The following PXDNL variants were observed in gnomAD, a reference collection of about 807,000 sequenced individuals.
PXDNL encodes the protein probable oxidoreductase PXDNL.
A neutral mutation model predicts 150.8 loss-of-function variants in PXDNL; 145 were observed. The observed-to-expected ratio is 0.96, with a 90% CI of 0.84 to 1.10. PXDNL has a LOEUF of 1.10. PXDNL is among the 50% of genes least tolerant of loss of function. PXDNL has a pLI of 0.00. For missense variants in PXDNL, 2,087 were observed against 1,873.9 expected (o/e 1.11, Z -2.10); for synonymous variants, 757 against 725.7 (o/e 1.04, Z -0.69).
At chr8:51,459,847 T>G (rs1335140279) in intron 8 of PXDNL, among the ~76,000 whole-genome samples, 2 of 152,206 alleles carry the variant, frequency 1.3e-5, no homozygotes, top group African/African-American at 4.8e-5. Flanking sequence ...TAACTTCTAT[T>G]AAGGTGTTTC....
At position 51,326,239 on chromosome 8, in the gene PXDNL, T is replaced by C. The variant is rs537896773; in HGVS notation, c.4147-5342A>G. On this transcript the variant is annotated intron_variant, in intron 21 of 22. Transcript: ENST00000356297. ...GCGTCTGTGTGCGGTGGCTCATGCC[T>C]GTAGTCCCAGCACTTTGGGAGGCTG... Among the ~76,000 whole-genome samples the C allele has an allele frequency of 5.9e-5, 9 of 152,342 alleles. No individual in the cohort carries two copies. The South Asian group carries it at 1.2e-3, about 21-fold the overall frequency.
chr8:51,539,195 A>G (rs1440526916), intron 4 of PXDNL, among the ~76,000 whole-genome samples: 1 of 152,086 alleles, frequency 6.6e-6, no homozygotes, highest in Admixed American at 6.5e-5. Context: ...AAATTTTTCC[A>G]TATGCTTTTT....
At chr8:51,493,508 A>G (rs1011971765) in intron 5 of PXDNL, among the ~76,000 whole-genome samples, 2 of 152,212 alleles carry the variant, frequency 1.3e-5, no homozygotes, top group African/African-American at 2.4e-5. Context: ...GTTCGAACCC[A>G]TGGCAAAGAA....
At chr8:51,803,646 G>A (rs2037644830) in intron 1 of PXDNL, among the ~76,000 whole-genome samples, 1 of 152,128 alleles carries the variant, frequency 6.6e-6, no homozygotes, top group East Asian at 1.9e-4. Context: ...CTGCAAGGGG[G>A]GCACATTTCC....
At chr8:51,678,411 T>C (rs1277240019) in intron 1 of PXDNL, among the ~76,000 whole-genome samples, 1 of 152,152 alleles carries the variant, frequency 6.6e-6, no homozygotes, top group Non-Finnish European at 1.5e-5. Flanking sequence ...AAAAATGGAA[T>C]CTGATAATGA....
chr8:51,503,132 C>T (rs1481220618), intron 4 of PXDNL, among the ~76,000 whole-genome samples: 1 of 152,066 alleles, frequency 6.6e-6, no homozygotes, highest in South Asian at 2.1e-4. Flanking sequence ...TCCAGCCATG[C>T]TTCCCTAGAA....
chr8:51,544,216 T>C (rs1812299317), intron 4 of PXDNL, among the ~76,000 whole-genome samples: 1 of 152,210 alleles, frequency 6.6e-6, no homozygotes, highest in South Asian at 2.1e-4. Context: ...CAACTGAGCA[T>C]GAACTTTTCT....
intron 2 of PXDNL, among the ~76,000 whole-genome samples, chr8:51,611,136 G>C (rs1047079799): frequency 2.0e-5 from 3 of 152,094 alleles, no homozygotes; most frequent in Non-Finnish European, 4.4e-5. Context: ...AATTGAGGCA[G>C]ATTGCTTGGC....
chr8:51,794,744 T>C (rs967247949), intron 1 of PXDNL, among the ~76,000 whole-genome samples: 1 of 152,138 alleles, frequency 6.6e-6, no homozygotes, highest in East Asian at 1.9e-4. Context: ...GTGAAGCAAC[T>C]ACATCAACAA....
At chr8:51,766,823 T>C (rs907423910) in intron 1 of PXDNL, among the ~76,000 whole-genome samples, 14 of 152,128 alleles carry the variant, frequency 9.2e-5, no homozygotes, top group African/African-American at 2.7e-4. Flanking sequence ...TTGGAGTTCA[T>C]TGAACTTGTT....
chr8:51,728,084 G>T (rs547914495), intron 1 of PXDNL, among the ~76,000 whole-genome samples: 1 of 152,166 alleles, frequency 6.6e-6, no homozygotes, highest in Non-Finnish European at 1.5e-5. Context: ...CATATGCACT[G>T]GTGGTCCCAT....
chr8:51,371,032 G>A (rs1807097542), intron 19 of PXDNL, among the ~76,000 whole-genome samples: 2 of 152,194 alleles, frequency 1.3e-5, no homozygotes, highest in South Asian at 4.1e-4. Context: ...GCCACTACAC[G>A]GAGCAAGCAT....
intron 12 of PXDNL, among the ~76,000 whole-genome samples, chr8:51,427,450 A>G (rs1171762041): frequency 1.3e-5 from 2 of 152,168 alleles, no homozygotes; most frequent in Non-Finnish European, 2.9e-5. Context: ...AAGAAAAAAA[A>G]AGACTACAGT....
intron 19 of PXDNL, among the ~76,000 whole-genome samples, chr8:51,355,859 T>G (rs1182813880): frequency 6.6e-6 from 1 of 152,228 alleles, no homozygotes; most frequent in Non-Finnish European, 1.5e-5. Context: ...ATGTCAAGAC[T>G]GTTGCATTTG....
intron 1 of PXDNL, among the ~76,000 whole-genome samples, chr8:51,774,228 T>C (rs1441701462): frequency 6.6e-6 from 1 of 152,234 alleles, no homozygotes; most frequent in Non-Finnish European, 1.5e-5. Flanking sequence ...TTTCTGCTAC[T>C]GTTTGAGGCG....
Position 51,471,841 on chromosome 8 carries a change from C to T in PXDNL, c.812+346G>A, listed in dbSNP as rs377268614. Reference sequence around the variant, plus strand: ...AGCTGGGACTACAGGCGCTCACCACCACGCCCAGCTAATTTTTTGTATTTT... The same window carrying T: ...AGCTGGGACTACAGGCGCTCACCACTACGCCCAGCTAATTTTTTGTATTTT... On this transcript the variant is annotated intron_variant, in intron 8 of 22. Coordinates refer to ENST00000356297, the MANE Select transcript of PXDNL (RefSeq NM_144651.5). Among the ~76,000 whole-genome samples, 187 of 152,110 alleles carry T rather than the reference C, an allele frequency of 1.2e-3. 6 individuals are homozygous for T. In the South Asian group the frequency reaches 0.035, roughly 29 times the overall value.
chr8:51,666,163 T>A (rs1173218641), intron 1 of PXDNL, among the ~76,000 whole-genome samples: 2 of 152,236 alleles, frequency 1.3e-5, no homozygotes, highest in Non-Finnish European at 2.9e-5. Flanking sequence ...GTCAGTGAAC[T>A]GGAGTCATCA....
chr8:51,575,007 A>C (rs1005857934), intron 3 of PXDNL, among the ~76,000 whole-genome samples: 6 of 152,066 alleles, frequency 3.9e-5, no homozygotes, highest in African/African-American at 7.2e-5. Flanking sequence ...AATACCTTTT[A>C]CCTTTTCTCT....
chr8:51,556,365 A>C (rs371120482), intron 4 of PXDNL, among the ~76,000 whole-genome samples: 1 of 152,144 alleles, frequency 6.6e-6, no homozygotes, highest in East Asian at 1.9e-4. Context: ...GTAAAATGAG[A>C]GGTATAATCC....
Sources: gnomAD v4.1 joint callset for allele counts (sites outside exome capture counted in the v4.1 genomes callset) on GRCh38, gnomAD v4.1.1 for gene constraint, MANE v1.5 for transcripts, NCBI Gene and HGNC (gene_info 2026-07-23, HGNC 2026-07-21) for gene names.